PARD3B: variants seen among roughly 807,000 people sequenced by gnomAD.
The protein encoded by PARD3B is par-3 family cell polarity regulator beta.
A neutral mutation model predicts 130.2 loss-of-function variants in PARD3B; 103 were observed. The observed-to-expected ratio is 0.79, with a 90% CI of 0.67 to 0.93. PARD3B has a LOEUF of 0.93. Among genes scored for constraint, PARD3B ranks in the 40% least tolerant of loss-of-function variants. The pLI is 0.00. For synonymous variants in PARD3B, 583 were observed against 553.2 expected (o/e 1.05, Z -0.76); for missense variants, 1,609 against 1,499.2 (o/e 1.07, Z -1.21).
At chr2:204,633,049 T>C (rs2034744989) in intron 1 of PARD3B, among the ~76,000 whole-genome samples, 1 of 152,204 alleles carries the variant, frequency 6.6e-6, no homozygotes, top group African/African-American at 2.4e-5. Flanking sequence ...CATGAGAGTT[T>C]GGATAGTTCT....
intron 2 of PARD3B, among the ~76,000 whole-genome samples, chr2:204,856,022 A>G (rs1248708512): frequency 6.6e-6 from 1 of 152,186 alleles, no homozygotes; most frequent in Non-Finnish European, 1.5e-5. Context: ...GGGAGTGCAG[A>G]TATCTCTTTG....
intron 2 of PARD3B, among the ~76,000 whole-genome samples, chr2:204,720,724 C>T (rs555899475): frequency 5.9e-5 from 9 of 152,164 alleles, no homozygotes; most frequent in East Asian, 5.8e-4. Flanking sequence ...AGTTGCCATC[C>T]GGTACCTGTT....
intron 2 of PARD3B, among the ~76,000 whole-genome samples, chr2:204,788,918 A>G (rs1225652178): frequency 6.6e-6 from 1 of 152,196 alleles, no homozygotes; most frequent in Non-Finnish European, 1.5e-5. Flanking sequence ...CATTTCCTCT[A>G]CTGCTGTATC....
chr2:205,574,140 A>C (rs1254518581), intron 22 of PARD3B, among the ~76,000 whole-genome samples: 1 of 152,242 alleles, frequency 6.6e-6, no homozygotes, highest in Non-Finnish European at 1.5e-5. Flanking sequence ...CATTTTTAGA[A>C]AGAACATTGA....
At chr2:205,549,288 G>A (rs1225343038) in intron 21 of PARD3B, among the ~76,000 whole-genome samples, 1 of 152,150 alleles carries the variant, frequency 6.6e-6, no homozygotes, top group Admixed American at 6.5e-5. Context: ...GCCTTCCTTA[G>A]TATTTACCCA....
chr2:205,511,288 AC>A (rs2050579043), intron 21 of PARD3B, among the ~76,000 whole-genome samples: 1 of 152,148 alleles, frequency 6.6e-6, no homozygotes, highest in African/African-American at 2.4e-5. Context: ...TCAAACCCAA[AC>A]CTAAATAGCA....
intron 2 of PARD3B, among the ~76,000 whole-genome samples, chr2:204,766,065 C>G (rs899123160): frequency 6.6e-6 from 1 of 152,130 alleles, no homozygotes; most frequent in African/African-American, 2.4e-5. Flanking sequence ...AAACTTGATA[C>G]TTGAATTTGT....
intron 4 of PARD3B, among the ~76,000 whole-genome samples, chr2:205,056,891 A>G: frequency 6.8e-6 from 1 of 146,576 alleles, no homozygotes; most frequent in Non-Finnish European, 1.5e-5. Context: ...ACAAACACAC[A>G]CACACACACA....
chr2:204,771,676 T>A (rs919282933), intron 2 of PARD3B, among the ~76,000 whole-genome samples: 6 of 152,106 alleles, frequency 3.9e-5, no homozygotes, highest in Admixed American at 6.6e-5. Context: ...AAATAAAAAT[T>A]AAAATTAAAA....
rs1013306820 is a variant in PARD3B, at chr2:205,550,021, T to C, written c.3181-3303T>C. Reference sequence around the variant, plus strand: ...GTAGGAGCAACAGTAGTATAGTTGCTAGTTAGTAGTATTCTTTTCTTCATA... The same window carrying C: ...GTAGGAGCAACAGTAGTATAGTTGCCAGTTAGTAGTATTCTTTTCTTCATA... On this transcript the variant is annotated intron_variant, in intron 21 of 22. Transcript: ENST00000406610. The surrounding 1 kb of genome is among the most constrained non-coding windows in gnomAD (Gnocchi z 4.5). 1.3e-5 allele frequency among the ~76,000 whole-genome samples: 2 copies of C among 152,202 alleles called. No individual in the cohort carries two copies. The highest frequency in any genetic ancestry group is 4.8e-5 in the African/African-American group (2 of 41,452).
intron 19 of PARD3B, among the ~76,000 whole-genome samples, chr2:205,435,467 A>T (rs2047480634): frequency 6.6e-6 from 1 of 152,166 alleles, no homozygotes; most frequent in African/African-American, 2.4e-5. Flanking sequence ...TATTTTCATA[A>T]CATAAATTTG....
At chr2:204,596,908 AACTC>A (rs2033312666) in intron 1 of PARD3B, among the ~76,000 whole-genome samples, 1 of 147,382 alleles carries the variant, frequency 6.8e-6, no homozygotes, top group African/African-American at 2.5e-5. Context: ...ACAAGAGAGA[AACTC>A]ACTCACTCTC....
At chr2:204,752,629 A>T (rs927377043) in intron 2 of PARD3B, among the ~76,000 whole-genome samples, 2 of 152,214 alleles carry the variant, frequency 1.3e-5, no homozygotes, top group Admixed American at 1.3e-4. Context: ...TTCTAGGAAC[A>T]ACTACTACTT....
At chr2:205,612,045 C>G (rs2055250035) in intron 22 of PARD3B, among the ~76,000 whole-genome samples, 1 of 152,136 alleles carries the variant, frequency 6.6e-6, no homozygotes. Context: ...AAATTTCACA[C>G]AAATAAAGAG....
Position 205,028,496 on chromosome 2 carries a change from A to G in PARD3B, c.395-19085A>G, listed in dbSNP as rs933592605. On this transcript the variant is annotated intron_variant, in intron 3 of 22. Transcript: ENST00000406610. ...AAGCCCACACCTAATATAATACTCA[A>G]CATGAAAAGCTGAAAGTTTTTAAGG... is the stretch of plus-strand genomic sequence containing the variant. Among the ~76,000 whole-genome samples the G allele has an allele frequency of 3.3e-5, 5 of 152,248 alleles. No individual in the cohort carries two copies. The South Asian group carries it at 6.2e-4, about 19-fold the overall frequency.
At chr2:205,536,471 G>T in intron 21 of PARD3B, among the ~76,000 whole-genome samples, 1 of 152,082 alleles carries the variant, frequency 6.6e-6, no homozygotes, top group Non-Finnish European at 1.5e-5. Flanking sequence ...TGTTCCCCAC[G>T]GTTGACCCTC....
chr2:204,709,589 C>T (rs552574269), intron 2 of PARD3B, among the ~76,000 whole-genome samples: 1 of 152,116 alleles, frequency 6.6e-6, no homozygotes, highest in Admixed American at 6.5e-5. Flanking sequence ...CACAGTGGAC[C>T]ATCTACCTAG....
chr2:205,518,880 A>AT (rs1263453846), intron 21 of PARD3B, among the ~76,000 whole-genome samples: 6 of 152,126 alleles, frequency 3.9e-5, no homozygotes, highest in South Asian at 4.1e-4. Flanking sequence ...TTGGTTGAAG[A>AT]TTTTTTTCTT....
intron 3 of PARD3B, among the ~76,000 whole-genome samples, chr2:205,009,842 T>A (rs1398297858): frequency 2.0e-5 from 3 of 152,304 alleles, no homozygotes; most frequent in Admixed American, 6.5e-5. Flanking sequence ...TTAAGTTTTT[T>A]AAAAAGTGAT....
Sources: allele counts gnomAD v4.1 joint callset (sites outside exome capture counted in the v4.1 genomes callset), GRCh38; gene constraint gnomAD v4.1.1; non-coding constraint Gnocchi (gnomAD v3.1); transcripts MANE v1.5; gene names NCBI Gene and HGNC (gene_info 2026-07-23, HGNC 2026-07-21).